MEP1A: variants seen among roughly 807,000 people sequenced by gnomAD.
MEP1A encodes N-benzoyl-L-tyrosyl-P-amino-benzoic acid hydrolase subunit alpha.
In MEP1A, 68 loss-of-function variants were observed where a neutral mutation model predicts 84.5. The observed-to-expected ratio is 0.80, with a 90% confidence interval of 0.66 to 0.98. The LOEUF (loss-of-function observed/expected upper bound fraction) is 0.98, where lower values mean the gene tolerates loss of function less well. MEP1A is among the 50% of genes least tolerant of loss of function. The pLI is 0.00. For missense variants in MEP1A, 887 were observed against 919.9 expected (o/e 0.96, Z 0.46); for synonymous variants, 337 against 336.8 (o/e 1.00, Z -0.01).
chr6:46,793,764 C>A, intron 3 of MEP1A, 48 bp downstream of exon 3: 1 of 1,340,630 alleles, frequency 7.5e-7, no homozygotes, highest in Non-Finnish European at 1.1e-6. Context: ...ACTTGAAACC[C>A]AGTGGTGGGA....
intron 5 of MEP1A, among the ~76,000 whole-genome samples, chr6:46,808,293 C>T (rs541733233): frequency 6.6e-6 from 1 of 152,092 alleles, no homozygotes; most frequent in East Asian, 1.9e-4. Context: ...TGTGTAGTTT[C>T]CACAATTAGT....
intron 5 of MEP1A, among the ~76,000 whole-genome samples, chr6:46,800,119 G>A (rs1269691502): frequency 1.3e-5 from 2 of 152,154 alleles, no homozygotes; most frequent in Non-Finnish European, 2.9e-5. Flanking sequence ...TCCAGTGTTT[G>A]CCTTGCAAAT....
intron 5 of MEP1A, among the ~76,000 whole-genome samples, chr6:46,807,759 G>GAAGA (rs1767380867): frequency 7.5e-6 from 1 of 132,906 alleles, no homozygotes; most frequent in South Asian, 2.5e-4. Context: ...AGGAAGGAAG[G>GAAGA]AAGGGAGAAA....
chr6:46,830,273 A>ATT (rs1768051015), intron 10 of MEP1A, among the ~76,000 whole-genome samples: 2 of 131,830 alleles, frequency 1.5e-5, no homozygotes, highest in Admixed American at 1.6e-4. Flanking sequence ...AAAAAAAAAA[A>ATT]AAAAAAAATT....
At chr6:46,830,484 G>T (rs1768054262) in intron 10 of MEP1A, among the ~76,000 whole-genome samples, 1 of 152,062 alleles carries the variant, frequency 6.6e-6, no homozygotes, top group African/African-American at 2.4e-5. Context: ...TATAGATGGA[G>T]AAATTTTTGT....
chr6:46,817,637 A>T (rs1767671777), intron 6 of MEP1A, among the ~76,000 whole-genome samples: 1 of 152,154 alleles, frequency 6.6e-6, no homozygotes, highest in Non-Finnish European at 1.5e-5. Context: ...TTCTTTTTTC[A>T]CAAAGAAACT....
At chr6:46,843,501 C>G (rs1225180504), downstream of MEP1A, among the ~76,000 whole-genome samples, 1 of 152,192 alleles carries the variant, frequency 6.6e-6, no homozygotes, top group Non-Finnish European at 1.5e-5. Flanking sequence ...TAATAACAAA[C>G]CCTCTGGTGT....
chr6:46,824,492 T>G (rs1767854622), intron 7 of MEP1A, among the ~76,000 whole-genome samples: 1 of 144,356 alleles, frequency 6.9e-6, no homozygotes, highest in Non-Finnish European at 1.5e-5. Context: ...TATATTTAAA[T>G]AAATCTATTT....
intron 13 of MEP1A, among the ~76,000 whole-genome samples, chr6:46,837,581 A>T (rs1238883465): frequency 6.6e-6 from 1 of 152,206 alleles, no homozygotes; most frequent in Non-Finnish European, 1.5e-5. Context: ...TAGATGCCAG[A>T]TTCCATTATG....
downstream of MEP1A, among the ~76,000 whole-genome samples, chr6:46,842,332 C>A (rs112572921): frequency 2.4e-3 from 371 of 152,270 alleles, 9 homozygotes; most frequent in East Asian, 0.066. Flanking sequence ...TTAATTCTTG[C>A]AGAGAGCGTA....
chr6:46,820,979 T>A (rs1276120568), intron 7 of MEP1A, among the ~76,000 whole-genome samples: 1 of 152,160 alleles, frequency 6.6e-6, no homozygotes, highest in Non-Finnish European at 1.5e-5. Flanking sequence ...TAGATCCCAA[T>A]TTTATATGCG....
intron 9 of MEP1A, among the ~76,000 whole-genome samples, chr6:46,827,532 A>T (rs1340245401): frequency 1.3e-5 from 2 of 152,212 alleles, no homozygotes; most frequent in Admixed American, 1.3e-4. Context: ...AGACTATTGC[A>T]AAGTCACTTA....
At chr6:46,793,878 G>A (rs889543460) in intron 3 of MEP1A, among the ~76,000 whole-genome samples, 162 bp downstream of exon 3, 1 of 152,194 alleles carries the variant, frequency 6.6e-6, no homozygotes, top group Non-Finnish European at 1.5e-5. Flanking sequence ...TAAAAATGCG[G>A]AAAGAGAAGA....
intron 6 of MEP1A, among the ~76,000 whole-genome samples, chr6:46,817,917 C>G (rs1767679322): frequency 6.6e-6 from 1 of 152,218 alleles, no homozygotes; most frequent in Admixed American, 6.5e-5. Flanking sequence ...TGCCCCTAAG[C>G]CCTTCAGGGC....
chr6:46,814,210 A>G (rs549876759), intron 6 of MEP1A, among the ~76,000 whole-genome samples: 3 of 152,314 alleles, frequency 2.0e-5, no homozygotes, highest in South Asian at 4.1e-4. Context: ...GATGTTTAAC[A>G]TAGTCCAAAC....
In MEP1A at chr6:46,835,234, C is replaced by T. The variant is rs1419299263; in HGVS notation, c.1784-15C>T. ...CTAATCCTGGATCTTCCTCATGACT[C>T]TCTATTTCCTGAAGATATCACCCAC... On this transcript the variant is annotated splice_polypyrimidine_tract_variant and intron_variant, in intron 12 of 13. Coordinates refer to ENST00000230588, the MANE Select transcript of MEP1A (RefSeq NM_005588.3). 1 of 1,570,452 alleles carries T rather than the reference C, an allele frequency of 6.4e-7. No individual in the cohort carries two copies. The highest frequency in any genetic ancestry group is 8.6e-7 in the Non-Finnish European group (1 of 1,161,514).
chr6:46,807,565 A>AAAGAAAGAAAGAAAGG (rs1562106650), intron 5 of MEP1A, among the ~76,000 whole-genome samples: 1 of 71,836 alleles, frequency 1.4e-5, no homozygotes, highest in African/African-American at 6.8e-5. Context: ...AGAAAGAAAG[A>AAAGAAAGAAAGAAAGG]AAGGAAGGAA....
Position 46,829,371 on chromosome 6 carries a change from T to C in MEP1A, c.944T>C (p.Met315Thr), listed in dbSNP as rs1188813559. 5.6e-6 allele frequency: 9 copies of C among 1,613,372 alleles called. No individual in the cohort carries two copies. In the Admixed American group the frequency reaches 8.3e-5, roughly 15 times the overall value. ...LGQCTGAGYF[M>T]QFSTSSGSAE... The stretch of plus-strand genomic sequence containing the variant: ...CTTTCCATAGGTGCCGGCTACTTCA[T>C]GCAGTTCAGCACCAGCTCGGGGTCC... Residue 315 changes from methionine (M) to threonine (T), a missense_variant, in exon 10 of 14, where the codon ATG (methionine) becomes ACG (threonine). Met to Thr is a moderately conservative substitution (Grantham distance 81, BLOSUM62 -1). Transcript: ENST00000230588.
intron 3 of MEP1A, among the ~76,000 whole-genome samples, chr6:46,797,615 C>G (rs1767073162): frequency 6.6e-6 from 1 of 152,052 alleles, no homozygotes; most frequent in African/African-American, 2.4e-5. Context: ...CACTCATTTA[C>G]TTTGGGACAA....
Sources: gnomAD v4.1 joint callset for allele counts (sites outside exome capture counted in the v4.1 genomes callset) on GRCh38, gnomAD v4.1.1 for gene constraint, MANE v1.5 for transcripts, NCBI Gene and HGNC (gene_info 2026-07-23, HGNC 2026-07-21) for gene names.